Variants in ARID3C observed in about 807,000 individuals in gnomAD.
ARID3C encodes AT-rich interaction domain 3C.
ARID3C carries 42 observed loss-of-function variants against 37.9 expected under a neutral mutation model. That is an observed-to-expected ratio of 1.11 (90% CI 0.87 to 1.43). ARID3C has a LOEUF of 1.43. Ranked by LOEUF, ARID3C falls within the 40% of genes most tolerant of loss-of-function variation. The probability of loss-of-function intolerance (pLI) is 0.00; values close to 1 mark genes in which losing one functional copy is unlikely to be tolerated. For synonymous variants in ARID3C, 213 were observed against 228.0 expected (o/e 0.93, Z 0.59); for missense variants, 581 against 548.8 (o/e 1.06, Z -0.59).
chr9:34,623,621 C>T (rs540820273), exon 4 of ARID3C: 37 of 1,606,298 alleles, frequency 2.3e-5, no homozygotes, highest in Non-Finnish European at 3.1e-5. Flanking sequence ...GGCGACGGCC[C>T]TCGCGCCGAT....
upstream of ARID3C, among the ~76,000 whole-genome samples, chr9:34,631,734 C>T (rs1253221675): frequency 6.6e-6 from 1 of 152,206 alleles, no homozygotes; most frequent in African/African-American, 2.4e-5. Flanking sequence ...AAAACAAAAA[C>T]ATTTATTTTC....
chr9:34,628,055 G>A lies in ARID3C; in HGVS notation c.-41C>T. 6.9e-7 allele frequency: 1 copy of A among 1,447,912 alleles called. No individual in the cohort carries two copies. Among genetic ancestry groups the A allele is most frequent in the Non-Finnish European group, 9.1e-7 (1 of 1,102,000 alleles). 89.7% of individuals were successfully genotyped at this position (1,447,912 alleles called of 1,614,324 possible). On this transcript the variant is annotated 5_prime_UTR_variant, in exon 1 of 7. Transcript: ENST00000378909. The surrounding 1 kb of genome is among the most constrained non-coding windows in gnomAD (Gnocchi z 5.2). ...CAGTCCCCCAGCTGAGGGGGTCCCTGGTACCAGGCGGGACCCCGAGGAAAG... is the reference window on the plus strand; with the variant it reads ...CAGTCCCCCAGCTGAGGGGGTCCCTAGTACCAGGCGGGACCCCGAGGAAAG...
At chr9:34,622,443 G>C (rs1417027542) in exon 5 of ARID3C, 4 of 1,614,100 alleles carry the variant, frequency 2.5e-6, no homozygotes, top group South Asian at 1.1e-5. Flanking sequence ...TTCTCTGGGG[G>C]CTCCTCTGGT....
At chr9:34,625,622 C>T (rs749521805) in intron 2 of ARID3C, 120 bp downstream of exon 3, 15 of 948,594 alleles carry the variant, frequency 1.6e-5, no homozygotes, top group Admixed American at 6.2e-5. Flanking sequence ...AAGACGCTAT[C>T]GAGGGCCCAA....
Position 34,623,590 on chromosome 9 carries a change from G to A in ARID3C, c.700C>T (p.Leu234Phe), listed in dbSNP as rs1357331774. 6 of 1,608,906 alleles carry A rather than the reference G, an allele frequency of 3.7e-6. No individual in the cohort carries two copies. In the African/African-American group the frequency reaches 4.0e-5, roughly 11 times the overall value. ...GGGGGCGGCCCTGCCAAGCCGAAGA[G>A]CGGAGTAGCGGTGTAAGCCTGGCGA... Residue 234 changes from leucine to phenylalanine, a missense_variant, in exon 4 of 7, where the codon CTC becomes TTC. Coordinates refer to ENST00000378909, the Ensembl canonical transcript of ARID3C.
At chr9:34,623,833 C>T in intron 3 of ARID3C, 31 bp downstream of exon 4, 2 of 1,541,978 alleles carry the variant, frequency 1.3e-6, no homozygotes, top group Non-Finnish European at 8.7e-7. Flanking sequence ...ACCCGTGCCC[C>T]CTTCCCTTCC....
chr9:34,630,896 G>A (rs1319256563), upstream of ARID3C, among the ~76,000 whole-genome samples: 2 of 152,034 alleles, frequency 1.3e-5, no homozygotes, highest in Admixed American at 6.6e-5. Context: ...AATCACTGTC[G>A]GTACTGATGC....
At chr9:34,628,189 A>T (rs1026107817), upstream of ARID3C, 4 of 807,348 alleles carry the variant, frequency 5.0e-6, no homozygotes, top group Non-Finnish European at 7.3e-6. The surrounding 1 kb of genome is among the most constrained non-coding windows in gnomAD (Gnocchi z 5.2). Flanking sequence ...GGTCACAAGG[A>T]AAGAGGCAGA....
At chr9:34,630,745 G>A (rs1029038511), upstream of ARID3C, among the ~76,000 whole-genome samples, 3 of 152,132 alleles carry the variant, frequency 2.0e-5, no homozygotes, top group Non-Finnish European at 4.4e-5. Flanking sequence ...GCAGCACTAA[G>A]TCCTGGTTCT....
Position 34,621,562 on chromosome 9 carries a change from G to A in ARID3C, c.1139-4C>T. On this transcript the variant is annotated splice_region_variant and splice_polypyrimidine_tract_variant and intron_variant, in intron 6 of 6. Coordinates refer to ENST00000378909, the Ensembl canonical transcript of ARID3C. ...TGGCGGCGGGCAAAGAGGACACCTG[G>A]CAAAGGGGTGAGGAGATGGTAGAGG... 2.5e-6 allele frequency: 4 copies of A among 1,575,810 alleles called. No homozygotes were observed. The highest frequency in any genetic ancestry group is 2.8e-5 in the African/African-American group (2 of 72,020).
In ARID3C at chr9:34,625,741, C is replaced by A. The variant is rs1266859112; in HGVS notation, c.391+1G>T. The A allele has an allele frequency of 2.5e-6, 4 of 1,613,948 alleles. No individual in the cohort carries two copies. In the East Asian group the frequency reaches 8.9e-5, roughly 36 times the overall value. On this transcript the variant is annotated splice_donor_variant, in intron 2 of 6. Transcript: ENST00000378909. LOFTEE classifies it high-confidence loss of function. Reference sequence around the variant, plus strand: ...CCCTTCCCCCACATCATGCCACTCACCCCTCTTTTGCATGAAGCTAAACAG... The same window carrying A: ...CCCTTCCCCCACATCATGCCACTCAACCCTCTTTTGCATGAAGCTAAACAG...
At chr9:34,630,348 C>T (rs1340359906), upstream of ARID3C, among the ~76,000 whole-genome samples, 1 of 152,154 alleles carries the variant, frequency 6.6e-6, no homozygotes. Context: ...CCCCACTCCT[C>T]CCGGGAATCC....
At chr9:34,627,770 C>G in exon 1 of ARID3C, 1 of 1,614,130 alleles carries the variant, frequency 6.2e-7, no homozygotes, top group East Asian at 2.2e-5. Flanking sequence ...CGAGCTGGGG[C>G]CCTGGGCCCC....
intron 2 of ARID3C, among the ~76,000 whole-genome samples, chr9:34,624,656 C>T (rs529950184): frequency 1.3e-5 from 2 of 152,362 alleles, no homozygotes; most frequent in East Asian, 3.9e-4. Context: ...CCCCCGCCGG[C>T]CAGTCCTGAC....
chr9:34,624,163 C>A, intron 2 of ARID3C, 116 bp from the exon 4 acceptor site: 1 of 1,318,318 alleles, frequency 7.6e-7, no homozygotes, highest in Non-Finnish European at 1.0e-6. Flanking sequence ...GAGACTTGGG[C>A]GGAGCCCACA....
At chr9:34,632,736 A>G (rs1414502946), upstream of ARID3C, among the ~76,000 whole-genome samples, 1 of 152,124 alleles carries the variant, frequency 6.6e-6, no homozygotes, top group Non-Finnish European at 1.5e-5. Flanking sequence ...CAGCTGGGTA[A>G]ATGGAGGTGC....
chr9:34,622,034 C>T (rs1452063111), exon 6 of ARID3C: 4 of 1,613,990 alleles, frequency 2.5e-6, no homozygotes, highest in Admixed American at 1.7e-5. Flanking sequence ...GTAGACCACC[C>T]CGTTGATCTC....
At chr9:34,632,366 G>A (rs1325190733), upstream of ARID3C, among the ~76,000 whole-genome samples, 1 of 152,202 alleles carries the variant, frequency 6.6e-6, no homozygotes, top group East Asian at 1.9e-4. Flanking sequence ...TAGGGGGGCT[G>A]AAGGGGTGAG....
At position 34,627,893 on chromosome 9, in the gene ARID3C, G is replaced by T. The variant is rs1430672690; in HGVS notation, c.122C>A (p.Pro41His). The T allele has an allele frequency of 2.6e-6, 4 of 1,563,908 alleles. No homozygotes were observed. The highest frequency in any genetic ancestry group is 3.5e-6 in the Non-Finnish European group (4 of 1,153,768). ...CCCAACATTCCCCAAGGCCCCCTCA[G>T]GGGCCTGTAGGGTCCGGTGGTCAGG... is the stretch of plus-strand genomic sequence containing the variant. The change falls in exon 1 of 7, where the codon CCT (proline) becomes CAT (histidine). Residue 41 changes from proline to histidine, a missense_variant. Transcript: ENST00000378909.
Sources: allele counts gnomAD v4.1 joint callset (sites outside exome capture counted in the v4.1 genomes callset), GRCh38; gene constraint gnomAD v4.1.1; non-coding constraint Gnocchi (gnomAD v3.1); transcripts MANE v1.5; gene names NCBI Gene and HGNC (gene_info 2026-07-23, HGNC 2026-07-21).